TGIF2: variants seen among roughly 807,000 people sequenced by gnomAD.
TGIF2 encodes the protein TGFB induced factor homeobox 2.
Under a neutral mutation model 15.1 loss-of-function variants are expected in TGIF2, and 5 were observed. That is an observed-to-expected ratio of 0.33 (90% confidence interval 0.17 to 0.70). TGIF2 has a LOEUF of 0.70. TGIF2 is among the 30% of genes least tolerant of loss of function. The pLI is 0.67. For missense variants in TGIF2, 264 were observed against 302.5 expected (o/e 0.87, Z 0.94); for synonymous variants, 131 against 128.9 (o/e 1.02, Z -0.11).
chr20:36,587,467 C>T (rs143663180), intron 2 of TGIF2, among the ~76,000 whole-genome samples: 1 of 152,060 alleles, frequency 6.6e-6, no homozygotes, highest in Non-Finnish European at 1.5e-5. Context: ...CATTTTTCCC[C>T]TGCATCCAGG....
chr20:36,590,379 A>G (rs1277247327), intron 2 of TGIF2, among the ~76,000 whole-genome samples: 1 of 152,080 alleles, frequency 6.6e-6, no homozygotes, highest in Admixed American at 6.6e-5. Flanking sequence ...TCAGCCTCCT[A>G]AGTAGCTGGG....
intron 2 of TGIF2, among the ~76,000 whole-genome samples, chr20:36,590,397 G>T (rs2038744968): frequency 6.6e-6 from 1 of 152,176 alleles, no homozygotes. Flanking sequence ...GGGATTGTAG[G>T]TGCCTGCCAC....
intron 2 of TGIF2, among the ~76,000 whole-genome samples, chr20:36,589,246 A>G (rs1296709011): frequency 6.6e-6 from 1 of 152,156 alleles, no homozygotes; most frequent in East Asian, 1.9e-4. Context: ...GGTGCACTAT[A>G]AGCTCCACAG....
At chr20:36,579,615 G>T (rs548404119) in intron 2 of TGIF2, among the ~76,000 whole-genome samples, 2 of 152,316 alleles carry the variant, frequency 1.3e-5, no homozygotes, top group South Asian at 4.1e-4. Context: ...ATTGGACGGC[G>T]ACTTGGTTGA....
chr20:36,580,660 A>G (rs1333716905), intron 2 of TGIF2, among the ~76,000 whole-genome samples: 2 of 151,760 alleles, frequency 1.3e-5, no homozygotes, highest in Non-Finnish European at 2.9e-5. Context: ...AAACAAAAAA[A>G]TTAGCTGGGC....
intron 2 of TGIF2, among the ~76,000 whole-genome samples, chr20:36,585,413 C>T (rs560513462): frequency 7.0e-6 from 1 of 142,684 alleles, no homozygotes; most frequent in African/African-American, 2.6e-5. Flanking sequence ...TGCAGGGAGC[C>T]AAGATCATGC....
At chr20:36,583,047 A>G (rs1569532340) in intron 2 of TGIF2, among the ~76,000 whole-genome samples, 1 of 150,336 alleles carries the variant, frequency 6.7e-6, no homozygotes, top group Non-Finnish European at 1.5e-5. Context: ...AGGCTGAGGC[A>G]GGCAGTTCGC....
intron 2 of TGIF2, among the ~76,000 whole-genome samples, chr20:36,581,860 C>T (rs2038552383): frequency 6.6e-6 from 1 of 152,148 alleles, no homozygotes; most frequent in Admixed American, 6.5e-5. Context: ...TACTCCTGGC[C>T]TCAAGTAATC....
intron 2 of TGIF2, among the ~76,000 whole-genome samples, chr20:36,589,532 A>G (rs1264233815): frequency 1.3e-5 from 2 of 151,854 alleles, no homozygotes; most frequent in Admixed American, 6.6e-5. Flanking sequence ...AGCTGGGACT[A>G]CAGGCGCGTG....
chr20:36,588,691 G>A (rs2038710439), intron 2 of TGIF2, among the ~76,000 whole-genome samples: 2 of 151,838 alleles, frequency 1.3e-5, no homozygotes, highest in South Asian at 2.1e-4. Context: ...AATGGAATGG[G>A]AGAGAAGGGC....
At chr20:36,586,060 G>A (rs2038652089) in intron 2 of TGIF2, among the ~76,000 whole-genome samples, 1 of 152,184 alleles carries the variant, frequency 6.6e-6, no homozygotes, top group Non-Finnish European at 1.5e-5. Flanking sequence ...CTGTGGGGGA[G>A]GAGTGTCCTG....
At chr20:36,573,577 A>C (rs1166371966), upstream of TGIF2, 1 of 149,134 alleles carries the variant, frequency 6.7e-6, no homozygotes. Flanking sequence ...GCGCGGGGGG[A>C]GGAGAGGGGA....
intron 2 of TGIF2, among the ~76,000 whole-genome samples, chr20:36,585,465 TAAAAAAAAAAAA>T (rs998173848): frequency 1.9e-5 from 2 of 104,056 alleles, no homozygotes; most frequent in African/African-American, 3.6e-5. Flanking sequence ...ACTCTGTCTT[TAAAAAAAAAAAA>T]AAAAAAAAAA....
chr20:36,585,488 A>C (rs1486140354), intron 2 of TGIF2, among the ~76,000 whole-genome samples: 1 of 148,490 alleles, frequency 6.7e-6, no homozygotes, highest in Non-Finnish European at 1.5e-5. Flanking sequence ...AAAAAAAAAA[A>C]CTCCACAAAA....
At chr20:36,583,814 T>G (rs2038595310) in intron 2 of TGIF2, among the ~76,000 whole-genome samples, 1 of 152,048 alleles carries the variant, frequency 6.6e-6, no homozygotes, top group Non-Finnish European at 1.5e-5. Context: ...GGATAATTGC[T>G]TGAACCTGGG....
rs2038486485 is a variant in TGIF2, at chr20:36,578,873, C to T, written c.99C>T (p.Leu33=). 6.2e-7 allele frequency: 1 copy of T among 1,614,170 alleles called. No homozygotes were observed. The highest frequency in any genetic ancestry group is 1.3e-5 in the African/African-American group (1 of 75,028). ...GNLPKESVKI[L]RDWLYLHRYN... ...TGCCCAAGGAGTCGGTGAAGATCCT[C>T]CGGGACTGGCTGTACTTGCACCGCT... Residue 33 remains leucine (L), a synonymous_variant, in exon 2 of 3, where the codon CTC becomes CTT. Transcript: ENST00000373872.
intron 2 of TGIF2, among the ~76,000 whole-genome samples, chr20:36,586,697 C>CT (rs386393698): frequency 6.2e-5 from 9 of 144,598 alleles, no homozygotes; most frequent in African/African-American, 1.6e-4. Context: ...TCCATTTCCC[C>CT]CCCCCCAAAA....
chr20:36,574,761 C>T (rs2038387158), intron 1 of TGIF2: 1 of 152,234 alleles, frequency 6.6e-6, no homozygotes, highest in Non-Finnish European at 1.5e-5. Flanking sequence ...CCGGACGATT[C>T]CTCGCCGACC....
At chr20:36,575,613 G>C (rs978270171) in intron 1 of TGIF2, among the ~76,000 whole-genome samples, 3 of 152,116 alleles carry the variant, frequency 2.0e-5, no homozygotes, top group African/African-American at 7.2e-5. Context: ...TGACTGAAAG[G>C]GTAGACCCTT....
Sources: gnomAD v4.1 joint callset for allele counts (sites outside exome capture counted in the v4.1 genomes callset) on GRCh38, gnomAD v4.1.1 for gene constraint, MANE v1.5 for transcripts, NCBI Gene and HGNC (gene_info 2026-07-23, HGNC 2026-07-21) for gene names.